The following TNFRSF1B variants were observed in gnomAD, a reference collection of about 807,000 sequenced individuals.
TNFRSF1B encodes the protein TNF receptor superfamily member 1B.
Under a neutral mutation model 44.6 loss-of-function variants are expected in TNFRSF1B, and 19 were observed. The ratio of observed to expected loss-of-function variants is 0.43; its 90% confidence interval spans 0.30 to 0.62. The LOEUF is 0.62. TNFRSF1B is among the 20% of genes least tolerant of loss of function. The pLI is 0.16. For synonymous variants in TNFRSF1B, 252 were observed against 261.1 expected, an observed-to-expected ratio of 0.97 and a Z score of 0.34; for missense variants, 541 against 619.9, an observed-to-expected ratio of 0.87 and a Z score of 1.35.
At chr1:12,179,877 T>C (rs958661953) in intron 1 of TNFRSF1B, among the ~76,000 whole-genome samples, 1 of 152,134 alleles carries the variant, frequency 6.6e-6, no homozygotes, top group Admixed American at 6.5e-5. Flanking sequence ...AAAGAGAAGG[T>C]ATATGAACGT....
Position 12,171,193 on chromosome 1 carries a change from T to C in TNFRSF1B, c.78+4024T>C, listed in dbSNP as rs1638516751. Among the ~76,000 whole-genome samples, 1 of 150,830 alleles carries C rather than the reference T, an allele frequency of 6.6e-6. No homozygotes were observed. Among genetic ancestry groups the C allele is most frequent in the African/African-American group, 2.4e-5 (1 of 40,826 alleles). On this transcript the variant is annotated intron_variant, in intron 1 of 9. Transcript: ENST00000376259. The surrounding 1 kb of genome is among the most constrained non-coding windows in gnomAD (Gnocchi z 4.5). ...AATTTTTCCTTTTTTTTTTTTTTTT[T>C]AGTAGAGACCGGGTTTTGCCATGTT...
chr1:12,172,772 G>T (rs1188689764), intron 1 of TNFRSF1B, among the ~76,000 whole-genome samples: 1 of 152,234 alleles, frequency 6.6e-6, no homozygotes, highest in East Asian at 1.9e-4. Flanking sequence ...AGGCTGTGGG[G>T]TCAGGATATC....
chr1:12,202,418 G>A (rs953607729), intron 9 of TNFRSF1B, among the ~76,000 whole-genome samples: 72 of 152,272 alleles, frequency 4.7e-4, no homozygotes, highest in African/African-American at 1.7e-3. Context: ...TCTGGGGGAG[G>A]AGTTTTCCTG....
In TNFRSF1B at chr1:12,171,782, C is replaced by A. The variant is rs1038269019; in HGVS notation, c.78+4613C>A. On this transcript the variant is annotated intron_variant, in intron 1 of 9. Transcript: ENST00000376259. The surrounding 1 kb of genome is among the most constrained non-coding windows in gnomAD (Gnocchi z 4.5). The stretch of plus-strand genomic sequence containing the variant: ...CCCTCCCTCGTGACAAAAATATCTC[C>A]AGATATTGCTAAGTGTCCTTTGGGG... Among the ~76,000 whole-genome samples, 5 of 152,190 alleles carry A rather than the reference C, an allele frequency of 3.3e-5. No individual in the cohort carries two copies. Among genetic ancestry groups the A allele is most frequent in the African/African-American group, 7.2e-5 (3 of 41,448 alleles).
chr1:12,203,456 C>T (rs757260995), intron 9 of TNFRSF1B, among the ~76,000 whole-genome samples: 76 of 152,286 alleles, frequency 5.0e-4, no homozygotes, highest in Non-Finnish European at 8.1e-4. Flanking sequence ...TGCACTCATG[C>T]CACCCCTGCC....
At chr1:12,176,616 C>T (rs1638662213) in intron 1 of TNFRSF1B, among the ~76,000 whole-genome samples, 1 of 152,200 alleles carries the variant, frequency 6.6e-6, no homozygotes, top group Non-Finnish European at 1.5e-5. Context: ...AGTGTCCATG[C>T]TCTCAGCCAC....
intron 8 of TNFRSF1B, 101 bp from the exon 9 acceptor site, chr1:12,201,866 T>G: frequency 2.8e-6 from 4 of 1,442,910 alleles, no homozygotes; most frequent in Non-Finnish European, 3.7e-6. Context: ...AACTGAGAAG[T>G]GCTGATGGCA....
At chr1:12,175,116 G>T (rs141407840) in intron 1 of TNFRSF1B, among the ~76,000 whole-genome samples, 1 of 152,194 alleles carries the variant, frequency 6.6e-6, no homozygotes, top group Non-Finnish European at 1.5e-5. Flanking sequence ...ACAGGGAGGG[G>T]GGAGGACATC....
rs372228157 is a variant in TNFRSF1B at position 12,202,148 on chromosome 1, C to T, written c.1082C>T (p.Ala361Val). The change falls in exon 9 of 10, where the codon GCC becomes GTC. Residue 361 changes from alanine to valine, a missense_variant. Coordinates refer to ENST00000376259, the MANE Select transcript of TNFRSF1B (RefSeq NM_001066.3). ...PGVEASGAGE[A>V]RASTGSSDSS... ...GTGGAGGCCAGTGGGGCCGGGGAGG[C>T]CCGGGCCAGCACCGGGAGCTCAGGT... The T allele has an allele frequency of 6.4e-7, 1 of 1,552,580 alleles. No individual in the cohort carries two copies. The highest frequency in any genetic ancestry group is 1.2e-5 in the South Asian group (1 of 84,354).
In TNFRSF1B at chr1:12,167,066, G is replaced by T; in HGVS notation, c.-26G>T. On this transcript the variant is annotated 5_prime_UTR_variant, in exon 1 of 10. Coordinates refer to ENST00000376259, the MANE Select transcript of TNFRSF1B (RefSeq NM_001066.3). Reference sequence around the variant, plus strand: ...CGAGGGCGCGAGGGCGCGAGGGCAGGGGGCAACCGGACCCCGCCCGCACCC... The same window carrying T: ...CGAGGGCGCGAGGGCGCGAGGGCAGTGGGCAACCGGACCCCGCCCGCACCC... The T allele has an allele frequency of 7.8e-7, 1 of 1,287,984 alleles. No homozygotes were observed. Among genetic ancestry groups the T allele is most frequent in the Non-Finnish European group, 9.8e-7 (1 of 1,017,890 alleles). The allele number at this position is 1,287,984 out of a possible 1,614,324, so 79.8% of individuals were successfully genotyped here.
chr1:12,190,610 CT>C (rs17880634), intron 2 of TNFRSF1B, among the ~76,000 whole-genome samples: 41 of 152,138 alleles, frequency 2.7e-4, no homozygotes, highest in African/African-American at 8.9e-4. Flanking sequence ...CCTGTTCCCC[CT>C]ATCATTCATG....
chr1:12,183,716 T>TCTAC (rs755741850), intron 1 of TNFRSF1B, among the ~76,000 whole-genome samples: 24 of 106,342 alleles, frequency 2.3e-4, no homozygotes, highest in Non-Finnish European at 3.6e-4. Flanking sequence ...ATCTATTCTA[T>TCTAC]CTACCTATCT....
At position 12,178,688 on chromosome 1, in the gene TNFRSF1B, C is replaced by T. The variant is rs150203264; in HGVS notation, c.79-10108C>T. Among the ~76,000 whole-genome samples the T allele has an allele frequency of 5.6e-4, 85 of 152,048 alleles. No individual in the cohort carries two copies. The highest frequency in any genetic ancestry group is 1.9e-3 in the African/African-American group (79 of 41,462). ...GTCAGCACTGCCAGGTCGGGGGTGG[C>T]GGGTCAGGACGTTTGGGCAGAGGCA... On this transcript the variant is annotated intron_variant, in intron 1 of 9. Coordinates refer to ENST00000376259, the MANE Select transcript of TNFRSF1B (RefSeq NM_001066.3). The surrounding 1 kb of genome is among the most constrained non-coding windows in gnomAD (Gnocchi z 4.3).
chr1:12,190,011 G>A (rs1639076523), intron 2 of TNFRSF1B, among the ~76,000 whole-genome samples: 1 of 152,186 alleles, frequency 6.6e-6, no homozygotes, highest in South Asian at 2.1e-4. Flanking sequence ...GGTAGGGGAG[G>A]AGGAGGAAGG....
Position 12,193,880 on chromosome 1 carries a change from C to T in TNFRSF1B, c.788-75C>T, listed in dbSNP as rs530563938. ...CAATGACCCGAAGCACCTTGGGTCC[C>T]TGGCTTGCCTGGCTGGCCCCTGGTA... is the stretch of plus-strand genomic sequence containing the variant. On this transcript the variant is annotated intron_variant, in intron 6 of 9. Coordinates refer to ENST00000376259, the MANE Select transcript of TNFRSF1B (RefSeq NM_001066.3). 22 of 1,258,108 alleles carry T rather than the reference C, an allele frequency of 1.7e-5. 1 individual carries two copies. In the South Asian group the frequency reaches 2.7e-4, roughly 15 times the overall value. 77.9% of individuals were successfully genotyped at this position (1,258,108 alleles called of 1,614,324 possible).
In TNFRSF1B at chr1:12,167,125, G is replaced by T; in HGVS notation, c.34G>T (p.Val12Phe). The change falls in exon 1 of 10, where the codon GTC (valine) becomes TTC (phenylalanine). Residue 12 changes from valine (V) to phenylalanine (F), a missense_variant. Physicochemically the swap from Val to Phe is conservative, Grantham distance 50. Transcript: ENST00000376259. Reference sequence around the variant, plus strand: ...CGTCGCCGTCTGGGCCGCGCTGGCCGTCGGACTGGAGCTCTGGGCTGCGGC... The same window carrying T: ...CGTCGCCGTCTGGGCCGCGCTGGCCTTCGGACTGGAGCTCTGGGCTGCGGC... ...APVAVWAALA[V>F]GLELWAAAHA... The T allele has an allele frequency of 7.4e-7, 1 of 1,354,674 alleles. No homozygotes were observed. The allele number at this position is 1,354,674 out of a possible 1,614,324, so 83.9% of individuals were successfully genotyped here.
At chr1:12,192,827 C>T (rs1485053245) in intron 5 of TNFRSF1B, 36 bp from the exon 6 acceptor site, 2 of 1,573,902 alleles carry the variant, frequency 1.3e-6, no homozygotes, top group African/African-American at 2.7e-5. Context: ...CACTCTGTCC[C>T]CTGCTGCCTC....
rs1218040486 is a variant in TNFRSF1B at position 12,186,135 on chromosome 1, TCTGGGTCGTTCCCG to T, written c.79-2657_79-2644del. 6.6e-6 allele frequency among the ~76,000 whole-genome samples: 1 copy of T among 152,142 alleles called. No homozygotes were observed. The highest frequency in any genetic ancestry group is 2.4e-5 in the African/African-American group (1 of 41,434). The stretch of plus-strand genomic sequence containing the variant: ...CTCCATGGCAGGAAGCCCCAGCTCC[TCTGGGTCGTTCCCG>T]CTGAGGGATTCCAGCTGTTGGCACC... On this transcript the variant is annotated intron_variant, in intron 1 of 9. Transcript: ENST00000376259. This position sits in a 1 kb window ranked among gnomAD's most constrained non-coding sequence, Gnocchi z 4.8.
At chr1:12,182,976 T>G (rs1352589312) in intron 1 of TNFRSF1B, among the ~76,000 whole-genome samples, 2 of 151,920 alleles carry the variant, frequency 1.3e-5, no homozygotes, top group Non-Finnish European at 2.9e-5. Flanking sequence ...GGAGGCAGGA[T>G]TGGGGGTGGC....
Sources: allele counts gnomAD v4.1 joint callset (sites outside exome capture counted in the v4.1 genomes callset), GRCh38; gene constraint gnomAD v4.1.1; non-coding constraint Gnocchi (gnomAD v3.1); transcripts MANE v1.5; gene names NCBI Gene and HGNC (gene_info 2026-07-23, HGNC 2026-07-21).